Variants in PAXBP1 observed in about 807,000 individuals in gnomAD.
PAXBP1 encodes the protein PAX3 and PAX7 binding protein 1, also known as PAX3- and PAX7-binding protein 1.
In PAXBP1, 44 loss-of-function variants were observed where a neutral mutation model predicts 119.9. The observed-to-expected ratio is 0.37, with a 90% CI of 0.29 to 0.47. The LOEUF is 0.47. Among genes scored for constraint, PAXBP1 ranks in the 20% least tolerant of loss-of-function variants. The probability of loss-of-function intolerance (pLI) is 0.99; values close to 1 mark genes in which losing one functional copy is unlikely to be tolerated. For missense variants in PAXBP1, 898 were observed against 1,134.1 expected, an observed-to-expected ratio of 0.79 and a Z score of 2.99; for synonymous variants, 393 against 406.6, an observed-to-expected ratio of 0.97 and a Z score of 0.40.
rs769420502 is a variant in PAXBP1 at position 32,750,997 on chromosome 21, T to C, written c.1643A>G (p.Lys548Arg). 29 of 1,614,078 alleles carry C rather than the reference T, an allele frequency of 1.8e-5. 1 individual carries two copies. In the South Asian group the frequency reaches 1.9e-4, roughly 10 times the overall value. ...AAGGCCTTCAAGGTGATCTGCCATC[T>C]TACCGGTTTGTTCTCTGGCTTGTCT... ...RRRQAREQTG[K>R]MADHLEGLSS... Residue 548 changes from lysine to arginine, a missense_variant, in exon 10 of 18, where the codon AAG (lysine) becomes AGG (arginine). Lys to Arg is a conservative substitution (Grantham distance 26). Transcript: ENST00000331923.
chr21:32,737,669 T>A (rs767342090), intron 16 of PAXBP1, among the ~76,000 whole-genome samples: 11 of 152,212 alleles, frequency 7.2e-5, no homozygotes, highest in Non-Finnish European at 1.2e-4. Context: ...ATTAGTAACA[T>A]AAAACTGACA....
At chr21:32,739,210 A>G (rs2043737331) in intron 15 of PAXBP1, among the ~76,000 whole-genome samples, 1 of 152,206 alleles carries the variant, frequency 6.6e-6, no homozygotes, top group African/African-American at 2.4e-5. Context: ...GGGGAAAAAG[A>G]AGAATTCATT....
intron 1 of PAXBP1, among the ~76,000 whole-genome samples, chr21:32,771,002 C>T (rs1026355699): frequency 1.3e-5 from 2 of 152,198 alleles, no homozygotes; most frequent in Non-Finnish European, 2.9e-5. Context: ...CCAGGGGACC[C>T]ACACCAAGTT....
chr21:32,762,191 T>C lies in PAXBP1; in HGVS notation c.776A>G (p.Asn259Ser). The C allele has an allele frequency of 6.2e-7, 1 of 1,614,220 alleles. No individual in the cohort carries two copies. Among genetic ancestry groups the C allele is most frequent in the Non-Finnish European group, 8.5e-7 (1 of 1,180,038 alleles). ...GTCATCTTCATCATCACTGGCATCA[T>C]TCTCATCTTCTCTAACAAGGCGGCC... ...GKGRLVREDE[N>S]DASDDEDDDE... The change falls in exon 4 of 18, where the codon AAT (asparagine) becomes AGT (serine). Residue 259 changes from asparagine (N) to serine (S), a missense_variant. Transcript: ENST00000331923.
intron 10 of PAXBP1, among the ~76,000 whole-genome samples, chr21:32,749,869 G>T (rs951711732): frequency 6.6e-6 from 1 of 152,100 alleles, no homozygotes; most frequent in African/African-American, 2.4e-5. Context: ...ATAGGGGTGG[G>T]TGTGTGAATG....
chr21:32,739,397 C>T (rs1443518456), intron 15 of PAXBP1, among the ~76,000 whole-genome samples: 3 of 152,232 alleles, frequency 2.0e-5, no homozygotes, highest in Middle Eastern at 6.8e-3. Context: ...GAAAAAACAG[C>T]GTGTACCTCA....
At position 32,735,084 on chromosome 21, in the gene PAXBP1, T is replaced by C. The variant is rs201458089; in HGVS notation, c.2637-17A>G. On this transcript the variant is annotated splice_polypyrimidine_tract_variant and intron_variant, in intron 17 of 17. Transcript: ENST00000331923. ...ATGTTTTCCCTAAAAGAAAAAAATA[T>C]AGCAGCATCTCATTAATTAGTATAT... is the stretch of plus-strand genomic sequence containing the variant. 250 of 1,549,694 alleles carry C rather than the reference T, an allele frequency of 1.6e-4. 2 individuals carry two copies. The highest frequency in any genetic ancestry group is 3.5e-4 in the South Asian group (31 of 88,610).
At chr21:32,750,861 A>G in intron 10 of PAXBP1, 56 bp downstream of exon 10, 1 of 1,303,960 alleles carries the variant, frequency 7.7e-7, no homozygotes, top group Non-Finnish European at 1.1e-6. Context: ...GGTAAAAACC[A>G]TACCCAAGTA....
chr21:32,736,130 C>T (rs1214859288), intron 17 of PAXBP1, among the ~76,000 whole-genome samples: 1 of 152,142 alleles, frequency 6.6e-6, no homozygotes, highest in Non-Finnish European at 1.5e-5. Flanking sequence ...CAAAATGGCA[C>T]ACACTAAGAA....
chr21:32,765,293 T>C (rs2044221900), intron 2 of PAXBP1, among the ~76,000 whole-genome samples: 1 of 152,178 alleles, frequency 6.6e-6, no homozygotes, highest in South Asian at 2.1e-4. Flanking sequence ...TCAGTTCTAA[T>C]CCACTCCTGA....
intron 3 of PAXBP1, 147 bp from the exon 4 acceptor site, chr21:32,762,464 C>T (rs1338925213): frequency 8.8e-7 from 1 of 1,131,922 alleles, no homozygotes; most frequent in East Asian, 2.6e-5. Flanking sequence ...TGTCTGCAAT[C>T]CAAAAGATTG....
rs145722611 is a variant in PAXBP1 at position 32,755,246 on chromosome 21, C to T, written c.1491G>A (p.Glu497=). The part of the protein sequence containing the change: ...RQDDIKDESS[E]FSSHSNKALM... ...TGGACTGACTTGAATGGCTTGAAAA[C>T]TCCGAAGATTCATCTTTAATATCAT... The change falls in exon 8 of 18, where the codon GAG becomes GAA. Residue 497 remains glutamate, a synonymous_variant. Coordinates refer to ENST00000331923, the MANE Select transcript of PAXBP1 (RefSeq NM_016631.4). 1.2e-5 allele frequency: 19 copies of T among 1,611,930 alleles called. No individual in the cohort carries two copies. In the African/African-American group the frequency reaches 2.4e-4, roughly 20 times the overall value.
intron 10 of PAXBP1, among the ~76,000 whole-genome samples, chr21:32,749,767 A>G (rs1470615353): frequency 6.6e-6 from 1 of 152,226 alleles, no homozygotes; most frequent in Non-Finnish European, 1.5e-5. Context: ...AGAACAAGTT[A>G]AACAATGCTA....
In PAXBP1 at chr21:32,748,607, C is replaced by T. The variant is rs2043911081; in HGVS notation, c.1815G>A (p.Trp605Ter). The change falls in exon 11 of 18, where the codon TGG (tryptophan) becomes TGA (stop). Residue 605 changes from tryptophan to a stop codon, truncating the protein, a stop_gained. Coordinates refer to ENST00000331923, the MANE Select transcript of PAXBP1 (RefSeq NM_016631.4). LOFTEE classifies it high-confidence loss of function. ...TGTAGGATGTGTAGTATTTTGAACG[C>T]CATGCTTCAAACTGTGATTTAATAC... ...IDCIKSQFEA[W>*]RSKYYTSYKD... 6.2e-7 allele frequency: 1 copy of T among 1,613,886 alleles called. No homozygotes were observed. Among genetic ancestry groups the T allele is most frequent in the Non-Finnish European group, 8.5e-7 (1 of 1,179,904 alleles).
At chr21:32,739,702 C>G (rs1031247008) in intron 15 of PAXBP1, among the ~76,000 whole-genome samples, 1 of 151,472 alleles carries the variant, frequency 6.6e-6, no homozygotes, top group African/African-American at 2.4e-5. Flanking sequence ...GTCAGGAGAT[C>G]GAGACCATCC....
chr21:32,761,023 C>T (rs1329807978), intron 5 of PAXBP1, 36 bp downstream of exon 5: 1 of 1,528,550 alleles, frequency 6.5e-7, no homozygotes, highest in Non-Finnish European at 8.9e-7. Context: ...GCTTTTTAAT[C>T]TACTTTTAAT....
rs774050399 is a variant in PAXBP1 at position 32,737,247 on chromosome 21, A to G, written c.2636+7T>C. 6.6e-7 allele frequency: 1 copy of G among 1,512,962 alleles called. No homozygotes were observed. 93.7% of individuals were successfully genotyped at this position (1,512,962 alleles called of 1,614,324 possible). A position where few individuals can be genotyped will look rare whatever the true frequency, so the allele number is the denominator to read the frequency against. On this transcript the variant is annotated splice_region_variant and intron_variant, in intron 17 of 17. Coordinates refer to ENST00000331923, the MANE Select transcript of PAXBP1 (RefSeq NM_016631.4). The stretch of plus-strand genomic sequence containing the variant: ...CTAGATTACCATTTCATTAATTACA[A>G]AATTACCTTGCATTTCTTTTTTCCA...
intron 15 of PAXBP1, among the ~76,000 whole-genome samples, chr21:32,739,999 A>C (rs982602973): frequency 6.7e-6 from 1 of 150,090 alleles, no homozygotes; most frequent in African/African-American, 2.5e-5. Context: ...AAACCCTTCC[A>C]TGACACATAT....
intron 3 of PAXBP1, among the ~76,000 whole-genome samples, chr21:32,763,994 C>CAAAAAAAAAAAA (rs5843566): frequency 9.8e-6 from 1 of 101,730 alleles, no homozygotes. Flanking sequence ...CCTCAAAAAG[C>CAAAAAAAAAAAA]AAAAAAAAAA....
Sources: allele counts gnomAD v4.1 joint callset (sites outside exome capture counted in the v4.1 genomes callset), GRCh38; gene constraint gnomAD v4.1.1; transcripts MANE v1.5; gene names NCBI Gene and HGNC (gene_info 2026-07-23, HGNC 2026-07-21).